ZNF740: variants seen among roughly 807,000 people sequenced by gnomAD.
The protein encoded by ZNF740 is zinc finger protein 740.
ZNF740 carries 14 observed loss-of-function variants against 24.8 expected under a neutral mutation model. That is an observed-to-expected ratio of 0.56 (90% CI 0.37 to 0.88). The LOEUF is 0.88. Ranked by LOEUF, ZNF740 falls within the 40% of genes least tolerant of loss-of-function variation. ZNF740 has a pLI of 0.00. For synonymous variants in ZNF740, 69 were observed against 84.0 expected (o/e 0.82, Z 0.98); for missense variants, 201 against 247.9 (o/e 0.81, Z 1.27).
In ZNF740 at chr12:53,186,374, C is replaced by G; in HGVS notation, c.374-17C>G. On this transcript the variant is annotated splice_polypyrimidine_tract_variant and intron_variant, in intron 5 of 6. Transcript: ENST00000416904. ...TACATACCTCCCCACATTCACTTCT[C>G]TGTCCACCTGGGCCAGGTGAGAAGC... The G allele has an allele frequency of 1.3e-6, 2 of 1,556,570 alleles. No individual in the cohort carries two copies. Among genetic ancestry groups the G allele is most frequent in the Non-Finnish European group, 1.7e-6 (2 of 1,148,108 alleles).
At position 53,181,867 on chromosome 12, in the gene ZNF740, G is replaced by C; in HGVS notation, c.-117G>C. On this transcript the variant is annotated 5_prime_UTR_variant, in exon 2 of 7. Transcript: ENST00000416904. ...GTTCAATATGGCAACAGGACTGATG[G>C]GACACGAAGGAGTCGCTACCGTGAT... The C allele has an allele frequency of 7.7e-7, 1 of 1,297,190 alleles. No homozygotes were observed. Among genetic ancestry groups the C allele is most frequent in the Non-Finnish European group, 1.1e-6 (1 of 921,334 alleles). 80.4% of individuals were successfully genotyped at this position (1,297,190 alleles called of 1,614,324 possible).
In ZNF740 at chr12:53,189,167, A is replaced by G. The variant is rs958959188; in HGVS notation, c.*1577A>G. On this transcript the variant is annotated 3_prime_UTR_variant, in exon 7 of 7. Transcript: ENST00000416904. ...TGGTGGTTAGGATGTTTCTAACCCAAGCCAGGGCTTGTGAACATGAATTTT... is the reference window on the plus strand; with the variant it reads ...TGGTGGTTAGGATGTTTCTAACCCAGGCCAGGGCTTGTGAACATGAATTTT... 6.6e-6 allele frequency: 1 copy of G among 152,094 alleles called. No individual in the cohort carries two copies. The highest frequency in any genetic ancestry group is 2.4e-5 in the African/African-American group (1 of 41,408). The allele number at this position is 152,094 out of a possible 1,614,324, so 9.4% of individuals were successfully genotyped here. A position where few individuals can be genotyped will look rare whatever the true frequency, so the allele number is the denominator to read the frequency against.
chr12:53,184,150 T>TGTGTGTGTGCGCGCGCGC (rs59250662), intron 2 of ZNF740, among the ~76,000 whole-genome samples: 29 of 104,418 alleles, frequency 2.8e-4, no homozygotes, highest in African/African-American at 1.0e-3. Context: ...TGTGTGTGTG[T>TGTGTGTGTGCGCGCGCGC]GCGCGCGCGC....
chr12:53,193,664 G>C lies in ZNF740; in HGVS notation c.*6074G>C. ...GGAGGAATACGGGCCAGGGTTGGTT[G>C]GTTGTTGGGAGCCAGGTGGTTGAAG... On this transcript the variant is annotated 3_prime_UTR_variant, in exon 7 of 7. Transcript: ENST00000416904. The C allele has an allele frequency of 6.5e-7, 1 of 1,536,804 alleles. No homozygotes were observed. Among genetic ancestry groups the C allele is most frequent in the South Asian group, 1.2e-5 (1 of 82,650 alleles).
In ZNF740 at chr12:53,186,527, TAC is replaced by T. The variant is rs1171466295; in HGVS notation, c.492+20_492+21del. On this transcript the variant is annotated intron_variant, in intron 6 of 6. Transcript: ENST00000416904. ...GTCATCAGGTAAGGCTCATCCCTGC[TAC>T]AATACCCCACACACACTTTTCCTTC... 34 of 1,536,468 alleles carry T rather than the reference TAC, an allele frequency of 2.2e-5. No individual in the cohort carries two copies. Among genetic ancestry groups the T allele is most frequent in the Non-Finnish European group, 3.0e-5 (34 of 1,132,688 alleles).
rs1310934648 is a variant in ZNF740, at chr12:53,193,728, G to A, written c.*6138G>A. The A allele has an allele frequency of 1.9e-6, 3 of 1,613,306 alleles. No homozygotes were observed. Among genetic ancestry groups the A allele is most frequent in the Admixed American group, 1.7e-5 (1 of 59,912 alleles). ...CTCACCTGCATACACCACATTGTAGGTGTCCCTGGCCATCACTGCAGTGGG... is the reference window on the plus strand; with the variant it reads ...CTCACCTGCATACACCACATTGTAGATGTCCCTGGCCATCACTGCAGTGGG... On this transcript the variant is annotated 3_prime_UTR_variant, in exon 7 of 7. Coordinates refer to ENST00000416904, the MANE Select transcript of ZNF740 (RefSeq NM_001004304.4).
intron 6 of ZNF740, 66 bp from the exon 7 acceptor site, chr12:53,187,435 G>T (rs941979610): frequency 5.2e-6 from 7 of 1,340,260 alleles, no homozygotes; most frequent in Non-Finnish European, 7.5e-6. Context: ...CCTGTGAGAG[G>T]AATGAGTTAG....
In ZNF740 at chr12:53,193,097, A is replaced by G; in HGVS notation, c.*5507A>G. 2 of 1,542,224 alleles carry G rather than the reference A, an allele frequency of 1.3e-6. No homozygotes were observed. The highest frequency in any genetic ancestry group is 1.2e-5 in the South Asian group (1 of 85,464). On this transcript the variant is annotated 3_prime_UTR_variant, in exon 7 of 7. Transcript: ENST00000416904. ...ATTCCCAGAGCCTAAGTGCCTTGGG[A>G]AGGCCTCTCAGACCCCGCCCTTCTC...
Position 53,181,974 on chromosome 12 carries a change from A to G in ZNF740, c.-10A>G. On this transcript the variant is annotated 5_prime_UTR_variant, in exon 2 of 7. Transcript: ENST00000416904. ...CTGAACTTTTGGGTTGCCTTAAGTG[A>G]GAAATCAGCATGGCTCAGGTAAAAA... is the stretch of plus-strand genomic sequence containing the variant. The G allele has an allele frequency of 1.2e-6, 2 of 1,607,330 alleles. No individual in the cohort carries two copies. Among genetic ancestry groups the G allele is most frequent in the Non-Finnish European group, 1.7e-6 (2 of 1,176,726 alleles).
In ZNF740 at chr12:53,192,096, G is replaced by T; in HGVS notation, c.*4506G>T. On this transcript the variant is annotated 3_prime_UTR_variant, in exon 7 of 7. Transcript: ENST00000416904. ...TCATCAGTTGCTCACAGTGTGTCCAGCCTGTCCAACCCTGTCTGTCACTGA... is the reference window on the plus strand; with the variant it reads ...TCATCAGTTGCTCACAGTGTGTCCATCCTGTCCAACCCTGTCTGTCACTGA... 6.6e-7 allele frequency: 1 copy of T among 1,515,980 alleles called. No individual in the cohort carries two copies. Among genetic ancestry groups the T allele is most frequent in the Non-Finnish European group, 8.9e-7 (1 of 1,117,756 alleles). 93.9% of individuals were successfully genotyped at this position (1,515,980 alleles called of 1,614,324 possible).
Position 53,191,661 on chromosome 12 carries a change from A to G in ZNF740, c.*4071A>G, listed in dbSNP as rs758707586. 25 of 1,601,598 alleles carry G rather than the reference A, an allele frequency of 1.6e-5. 1 individual carries two copies. The South Asian group carries it at 2.8e-4, about 18-fold the overall frequency. On this transcript the variant is annotated 3_prime_UTR_variant, in exon 7 of 7. Coordinates refer to ENST00000416904, the MANE Select transcript of ZNF740 (RefSeq NM_001004304.4). The stretch of plus-strand genomic sequence containing the variant: ...CCTGGAGAAAGATGTTGCAGATTAT[A>G]AGCAAAAATCCCAGGATTCCTCGTC...
chr12:53,193,677 C>T lies in ZNF740; in HGVS notation c.*6087C>T. 10 of 1,574,068 alleles carry T rather than the reference C, an allele frequency of 6.4e-6. No homozygotes were observed. Among genetic ancestry groups the T allele is most frequent in the Non-Finnish European group, 8.6e-6 (10 of 1,156,542 alleles). On this transcript the variant is annotated 3_prime_UTR_variant, in exon 7 of 7. Coordinates refer to ENST00000416904, the MANE Select transcript of ZNF740 (RefSeq NM_001004304.4). ...CCAGGGTTGGTTGGTTGTTGGGAGC[C>T]AGGTGGTTGAAGGGAAGAGGAGGCC...
rs1942029524 is a variant in ZNF740, at chr12:53,193,166, TCA to T, written c.*5579_*5580del. The T allele has an allele frequency of 6.2e-7, 1 of 1,612,834 alleles. No individual in the cohort carries two copies. On this transcript the variant is annotated 3_prime_UTR_variant, in exon 7 of 7. Coordinates refer to ENST00000416904, the MANE Select transcript of ZNF740 (RefSeq NM_001004304.4). ...TCCGCAGAGGATGCCCTCATGTCGC[TCA>T]CAGCTGGCATCGTCACACTCGCACA... is the stretch of plus-strand genomic sequence containing the variant.
chr12:53,181,047 A>T, intron 1 of ZNF740: 1 of 878,432 alleles, frequency 1.1e-6, no homozygotes, highest in Non-Finnish European at 1.4e-6. Flanking sequence ...CCGGCCCGGG[A>T]GAGGGCTCTC....
Position 53,188,185 on chromosome 12 carries a change from T to G in ZNF740, c.*595T>G, listed in dbSNP as rs1383541970. ...TCAGGAATGGCAGCTGAGCTTACTT[T>G]GGCTTCCTTATACACTGTAGGGACA... is the stretch of plus-strand genomic sequence containing the variant. On this transcript the variant is annotated 3_prime_UTR_variant, in exon 7 of 7. Coordinates refer to ENST00000416904, the MANE Select transcript of ZNF740 (RefSeq NM_001004304.4). 1 of 156,342 alleles carries G rather than the reference T, an allele frequency of 6.4e-6. No homozygotes were observed. Among genetic ancestry groups the G allele is most frequent in the Non-Finnish European group, 1.4e-5 (1 of 70,156 alleles). 9.7% of individuals were successfully genotyped at this position (156,342 alleles called of 1,614,324 possible).
In ZNF740 at chr12:53,192,416, T is replaced by A; in HGVS notation, c.*4826T>A. The A allele has an allele frequency of 6.2e-7, 1 of 1,613,992 alleles. No individual in the cohort carries two copies. The highest frequency in any genetic ancestry group is 8.5e-7 in the Non-Finnish European group (1 of 1,180,000). The stretch of plus-strand genomic sequence containing the variant: ...GAACAGCTGGTTGTCCAGGGTCCGC[T>A]CTTTGCACCAGCCATCATCCAAGAT... On this transcript the variant is annotated 3_prime_UTR_variant, in exon 7 of 7. Coordinates refer to ENST00000416904, the MANE Select transcript of ZNF740 (RefSeq NM_001004304.4).
Position 53,184,946 on chromosome 12 carries a change from C to T in ZNF740, c.65C>T (p.Ala22Val). ...LAGVSLVPTA[A>V]SKKMMLSQIA... ...GGTGTGAGTTTGGTTCCCACTGCAG[C>T]CAGCAAGAAGATGATGCTGAGCCAG... The change falls in exon 3 of 7, where the codon GCC becomes GTC. Residue 22 changes from alanine (A) to valine (V), a missense_variant. By Grantham distance (64) the Ala-to-Val change is moderately conservative. Coordinates refer to ENST00000416904, the MANE Select transcript of ZNF740 (RefSeq NM_001004304.4). 6.2e-7 allele frequency: 1 copy of T among 1,614,010 alleles called. No individual in the cohort carries two copies. Among genetic ancestry groups the T allele is most frequent in the Non-Finnish European group, 8.5e-7 (1 of 1,179,910 alleles).
intron 1 of ZNF740, 101 bp downstream of exon 1, chr12:53,180,938 G>A (rs1048369131): frequency 7.1e-6 from 7 of 988,526 alleles, no homozygotes; most frequent in Admixed American, 5.8e-5. Flanking sequence ...GGAGGGGAGG[G>A]GAGGAGGGGC....
intron 1 of ZNF740, 64 bp downstream of exon 1, chr12:53,180,901 A>T (rs1210745131): frequency 8.8e-7 from 1 of 1,139,176 alleles, no homozygotes; most frequent in African/African-American, 1.7e-5. Flanking sequence ...AGTAGCTCGC[A>T]AGCCGTGGGG....
Sources: gnomAD v4.1 joint callset for allele counts (sites outside exome capture counted in the v4.1 genomes callset) on GRCh38, gnomAD v4.1.1 for gene constraint, MANE v1.5 for transcripts, NCBI Gene and HGNC (gene_info 2026-07-23, HGNC 2026-07-21) for gene names.